SMIM21: variants seen among roughly 807,000 people sequenced by gnomAD.
SMIM21 encodes the protein chromosome 18 open reading frame 62.
Under a neutral mutation model 8.6 loss-of-function variants are expected in SMIM21, and 8 were observed. That is an observed-to-expected ratio of 0.93 (90% CI 0.55 to 1.68). SMIM21 has a LOEUF of 1.68. SMIM21 is among the 40% of genes most tolerant of loss of function. The pLI is 0.00. For synonymous variants in SMIM21, 43 were observed against 41.7 expected (o/e 1.03, Z -0.12); for missense variants, 132 against 123.0 (o/e 1.07, Z -0.35).
chr18:75,420,998 A>G (rs780649864), intron 1 of SMIM21, among the ~76,000 whole-genome samples: 1 of 152,168 alleles, frequency 6.6e-6, no homozygotes, highest in Non-Finnish European at 1.5e-5. Context: ...AGCATGAACA[A>G]TATTCTTCTC....
At chr18:75,423,751 A>G (rs1599109369) in intron 1 of SMIM21, among the ~76,000 whole-genome samples, 1 of 152,248 alleles carries the variant, frequency 6.6e-6, no homozygotes, top group African/African-American at 2.4e-5. Flanking sequence ...TTAATAAATT[A>G]CTTGTGCTGT....
chr18:75,424,823 G>A (rs2024744765), intron 1 of SMIM21, among the ~76,000 whole-genome samples: 1 of 152,138 alleles, frequency 6.6e-6, no homozygotes, highest in Non-Finnish European at 1.5e-5. Flanking sequence ...CCAGACTCAG[G>A]CTAAGGAGCA....
chr18:75,413,480 T>C (rs1179647075), intron 2 of SMIM21, among the ~76,000 whole-genome samples: 3 of 152,244 alleles, frequency 2.0e-5, no homozygotes, highest in Non-Finnish European at 2.9e-5. Context: ...CCCATTTTGC[T>C]GCTGAACTCT....
intron 1 of SMIM21, among the ~76,000 whole-genome samples, chr18:75,420,866 TG>T (rs2024700733): frequency 6.6e-6 from 1 of 152,164 alleles, no homozygotes; most frequent in East Asian, 1.9e-4. Context: ...GGAGATCCAC[TG>T]ACCTGGGGAT....
intron 1 of SMIM21, among the ~76,000 whole-genome samples, chr18:75,423,633 G>A (rs1157315676): frequency 6.6e-6 from 1 of 152,232 alleles, no homozygotes; most frequent in African/African-American, 2.4e-5. Flanking sequence ...TGGGGCTCTG[G>A]CCTCAGGGAT....
At chr18:75,419,376 G>T (rs1363100961) in intron 1 of SMIM21, among the ~76,000 whole-genome samples, 2 of 151,858 alleles carry the variant, frequency 1.3e-5, no homozygotes, top group African/African-American at 4.8e-5. Flanking sequence ...TTTTTTAGTG[G>T]TCAAAAATAC....
At chr18:75,412,372 T>A (rs1441043432) in intron 2 of SMIM21, 1 of 152,212 alleles carries the variant, frequency 6.6e-6, no homozygotes, top group African/African-American at 2.4e-5. Flanking sequence ...ATATAAAACC[T>A]GAGTTGAGCA....
intron 2 of SMIM21, among the ~76,000 whole-genome samples, chr18:75,413,274 T>C (rs898758322): frequency 6.6e-6 from 1 of 152,236 alleles, no homozygotes; most frequent in African/African-American, 2.4e-5. Flanking sequence ...TGCCAAGCTT[T>C]CTGTCTCCGC....
chr18:75,410,483 C>T lies in SMIM21; in HGVS notation c.*381G>A, dbSNP rs887993048. The T allele has an allele frequency of 5.9e-5, 14 of 235,730 alleles. No homozygotes were observed. Among genetic ancestry groups the T allele is most frequent in the East Asian group, 1.9e-4 (2 of 10,552 alleles). 14.6% of individuals were successfully genotyped at this position (235,730 alleles called of 1,614,324 possible). On this transcript the variant is annotated 3_prime_UTR_variant, in exon 3 of 3. Transcript: ENST00000579022. Reference sequence around the variant, plus strand: ...TACCACACAGAGCCTTAGGTGGTCCCGAAATAAGTGAAAGCACTTGCAAGG... The same window carrying T: ...TACCACACAGAGCCTTAGGTGGTCCTGAAATAAGTGAAAGCACTTGCAAGG...
Position 75,410,675 on chromosome 18 carries a change from C to T in SMIM21, c.*189G>A. On this transcript the variant is annotated 3_prime_UTR_variant, in exon 3 of 3. Coordinates refer to ENST00000579022, the MANE Select transcript of SMIM21 (RefSeq NM_001037331.3). ...TCCTGAACAGAAAAAGGAAGAGTGC[C>T]CCTCAAGAACAAAGCAGACATTATC... The T allele has an allele frequency of 2.2e-6, 3 of 1,384,796 alleles. No individual in the cohort carries two copies. The highest frequency in any genetic ancestry group is 2.8e-6 in the Non-Finnish European group (3 of 1,067,022). 85.8% of individuals were successfully genotyped at this position (1,384,796 alleles called of 1,614,324 possible).
intron 2 of SMIM21, among the ~76,000 whole-genome samples, chr18:75,415,680 G>A (rs2024636464): frequency 6.6e-6 from 1 of 152,198 alleles, no homozygotes; most frequent in East Asian, 1.9e-4. Flanking sequence ...TATATAGGAT[G>A]TATCTAATCA....
intron 1 of SMIM21, among the ~76,000 whole-genome samples, chr18:75,427,139 G>A (rs867041352): frequency 4.6e-5 from 7 of 152,174 alleles, no homozygotes. Context: ...TCTCTGTAGG[G>A]GAGAGATCAT....
intron 1 of SMIM21, among the ~76,000 whole-genome samples, chr18:75,423,324 T>A (rs1362764752): frequency 6.6e-6 from 1 of 152,260 alleles, no homozygotes; most frequent in Non-Finnish European, 1.5e-5. Context: ...AGAGAGGTTG[T>A]CCTTTTAACT....
chr18:75,412,701 A>G (rs1293461526), intron 2 of SMIM21: 2 of 152,270 alleles, frequency 1.3e-5, no homozygotes, highest in South Asian at 2.1e-4. Context: ...TCTCCTGACG[A>G]TAGTGATGAG....
chr18:75,418,893 A>T lies in SMIM21; in HGVS notation c.153T>A (p.Arg51=), dbSNP rs746877751. The T allele has an allele frequency of 3.1e-6, 5 of 1,601,996 alleles. No individual in the cohort carries two copies. The highest frequency in any genetic ancestry group is 4.3e-6 in the Non-Finnish European group (5 of 1,169,282). ...LTTFENEHHI[R]FFTLLVLFHV... ...GGAAAAGAACCAACAATGTGAAGAA[A>T]CGAATATGGTGTTCATTTTCAAACT... Residue 51 remains arginine, a synonymous_variant, in exon 2 of 3, where the codon CGT becomes CGA. Coordinates refer to ENST00000579022, the MANE Select transcript of SMIM21 (RefSeq NM_001037331.3).
Position 75,420,382 on chromosome 18 carries a change from C to T in SMIM21, c.130-1466G>A, listed in dbSNP as rs1366254101. ...ATTTAATTATTGTTGAAATATATGT[C>T]GTTGCATCTTCACTACAAAATCAGG... On this transcript the variant is annotated intron_variant, in intron 1 of 2. Coordinates refer to ENST00000579022, the MANE Select transcript of SMIM21 (RefSeq NM_001037331.3). Among the ~76,000 whole-genome samples, 4 of 152,096 alleles carry T rather than the reference C, an allele frequency of 2.6e-5. No individual in the cohort carries two copies. The East Asian group carries it at 5.8e-4, about 22-fold the overall frequency.
intron 2 of SMIM21, among the ~76,000 whole-genome samples, chr18:75,414,098 T>C (rs74729139): frequency 0.014 from 716 of 51,008 alleles, 5 homozygotes; most frequent in East Asian, 0.096. Context: ...CACACACACA[T>C]ACACACACAC....
chr18:75,413,104 G>A (rs1257867818), intron 2 of SMIM21, among the ~76,000 whole-genome samples: 8 of 151,816 alleles, frequency 5.3e-5, no homozygotes, highest in South Asian at 4.3e-4. Flanking sequence ...AGGCCTCCAC[G>A]CTGATGCTCC....
intron 1 of SMIM21, among the ~76,000 whole-genome samples, chr18:75,424,628 AT>A: frequency 6.6e-6 from 1 of 152,272 alleles, no homozygotes; most frequent in East Asian, 1.9e-4. Context: ...ATAGTAATGG[AT>A]TTTTAAAATC....
Sources: gnomAD v4.1 joint callset for allele counts (sites outside exome capture counted in the v4.1 genomes callset) on GRCh38, gnomAD v4.1.1 for gene constraint, MANE v1.5 for transcripts, NCBI Gene and HGNC (gene_info 2026-07-23, HGNC 2026-07-21) for gene names.